The following RASGEF1C variants were observed in gnomAD, a reference collection of about 807,000 sequenced individuals.
RASGEF1C encodes RasGEF domain family member 1C, also known as ras-GEF domain-containing family member 1C.
Under a neutral mutation model 58.1 loss-of-function variants are expected in RASGEF1C, and 27 were observed. That is an observed-to-expected ratio of 0.46 (90% CI 0.34 to 0.64). RASGEF1C has a LOEUF of 0.64. Among genes scored for constraint, RASGEF1C ranks in the 30% least tolerant of loss-of-function variants. The probability of loss-of-function intolerance (pLI) is 0.01; values close to 1 mark genes in which losing one functional copy is unlikely to be tolerated. For synonymous variants in RASGEF1C, 243 were observed against 246.3 expected, an observed-to-expected ratio of 0.99 and a Z score of 0.13; for missense variants, 502 against 605.1, an observed-to-expected ratio of 0.83 and a Z score of 1.79.
At chr5:180,103,653 G>C (rs1487497263) in intron 12 of RASGEF1C, among the ~76,000 whole-genome samples, 3 of 151,994 alleles carry the variant, frequency 2.0e-5, no homozygotes, top group Non-Finnish European at 4.4e-5. Context: ...TTTTCTTTCT[G>C]ATTTGTGTGT....
chr5:180,110,530 G>C (rs115438551), intron 12 of RASGEF1C, among the ~76,000 whole-genome samples: 4,109 of 152,034 alleles, frequency 0.027, 200 homozygotes, highest in African/African-American at 0.094. Flanking sequence ...TGGGGCCGCG[G>C]GGCCATTCCA....
chr5:180,203,134 C>T (rs975825275), intron 1 of RASGEF1C, among the ~76,000 whole-genome samples: 58 of 152,186 alleles, frequency 3.8e-4, no homozygotes, highest in African/African-American at 1.4e-3. Flanking sequence ...TTCTATGGTG[C>T]TCACCGGCAT....
At chr5:180,117,691 G>A (rs1332598167) in intron 10 of RASGEF1C, among the ~76,000 whole-genome samples, 10 of 152,088 alleles carry the variant, frequency 6.6e-5, no homozygotes, top group Non-Finnish European at 1.3e-4. Flanking sequence ...ACAAATGCAG[G>A]GATATAAGAA....
chr5:180,138,929 G>A (rs939791441), intron 1 of RASGEF1C, among the ~76,000 whole-genome samples: 11 of 152,032 alleles, frequency 7.2e-5, no homozygotes, highest in Non-Finnish European at 1.0e-4. Flanking sequence ...CCTTCCCTGC[G>A]TCCCACCAAG....
chr5:180,114,459 T>C lies in RASGEF1C; in HGVS notation c.1166A>G (p.His389Arg). 1 of 1,612,824 alleles carries C rather than the reference T, an allele frequency of 6.2e-7. No individual in the cohort carries two copies. Among genetic ancestry groups the C allele is most frequent in the Non-Finnish European group, 8.5e-7 (1 of 1,179,166 alleles). ...EGCANRLPNG[H>R]VNFEKFLELA... ...CGGAGGTCCTACCTCAAAGTTGACG[T>C]GTCCATTGGGAAGGCGGTTGGCGCA... The change falls in exon 11 of 14, where the codon CAC becomes CGC. Residue 389 changes from histidine to arginine, a missense_variant. His to Arg is a conservative substitution (Grantham distance 29). Coordinates refer to ENST00000361132, the MANE Select transcript of RASGEF1C (RefSeq NM_175062.4).
intron 12 of RASGEF1C, among the ~76,000 whole-genome samples, chr5:180,103,514 CA>C (rs1196162263): frequency 6.6e-6 from 1 of 152,204 alleles, no homozygotes; most frequent in Non-Finnish European, 1.5e-5. Context: ...TACGTAGAAA[CA>C]TGGTTGATTT....
chr5:180,174,736 G>T (rs1001543656), intron 1 of RASGEF1C, among the ~76,000 whole-genome samples: 5 of 152,208 alleles, frequency 3.3e-5, no homozygotes, highest in African/African-American at 1.2e-4. Context: ...TCCACAGCCA[G>T]CACTCAGACA....
rs1767051104 is a variant in RASGEF1C at position 180,168,280 on chromosome 5, A to C, written c.-6-30222T>G. Reference sequence around the variant, plus strand: ...ACCCCGTCTCTACTTAAAAAAATACAAAATTAGCCGAGCCTGGTGGTGCAT... The same window carrying C: ...ACCCCGTCTCTACTTAAAAAAATACCAAATTAGCCGAGCCTGGTGGTGCAT... On this transcript the variant is annotated intron_variant, in intron 1 of 13. Transcript: ENST00000361132. This position sits in a 1 kb window ranked among gnomAD's most constrained non-coding sequence, Gnocchi z 6.0. Among the ~76,000 whole-genome samples, 1 of 152,094 alleles carries C rather than the reference A, an allele frequency of 6.6e-6. No homozygotes were observed. Among genetic ancestry groups the C allele is most frequent in the South Asian group, 2.1e-4 (1 of 4,812 alleles).
intron 1 of RASGEF1C, among the ~76,000 whole-genome samples, chr5:180,187,437 A>C (rs1485273854): frequency 6.6e-6 from 1 of 152,222 alleles, no homozygotes; most frequent in Non-Finnish European, 1.5e-5. Context: ...AAACCTGTGT[A>C]CATCAAAGGA....
At chr5:180,128,831 G>C (rs1001827292) in intron 4 of RASGEF1C, among the ~76,000 whole-genome samples, 1 of 152,202 alleles carries the variant, frequency 6.6e-6, no homozygotes, top group African/African-American at 2.4e-5. Context: ...TGGGGTGAAG[G>C]CTGCAGGGCT....
At chr5:180,111,821 T>A (rs1171927605) in intron 11 of RASGEF1C, among the ~76,000 whole-genome samples, 3 of 152,236 alleles carry the variant, frequency 2.0e-5, no homozygotes, top group Non-Finnish European at 4.4e-5. Flanking sequence ...GTATGGCAAG[T>A]GATACATGTT....
chr5:180,103,484 G>C (rs551272125), intron 12 of RASGEF1C, among the ~76,000 whole-genome samples: 22 of 152,134 alleles, frequency 1.4e-4, no homozygotes, highest in Non-Finnish European at 2.6e-4. Flanking sequence ...TAGTTTCAGC[G>C]TGCACATGTT....
At chr5:180,181,546 G>A (rs1767326274) in intron 1 of RASGEF1C, among the ~76,000 whole-genome samples, 1 of 152,196 alleles carries the variant, frequency 6.6e-6, no homozygotes, top group Admixed American at 6.5e-5. Flanking sequence ...TGGGCACACA[G>A]GAAGAGCACC....
chr5:180,191,025 T>C (rs4700725), intron 1 of RASGEF1C, among the ~76,000 whole-genome samples: 139,660 of 152,282 alleles, frequency 0.92, 64,038 homozygotes, highest in Admixed American at 0.93. Flanking sequence ...AGATGGCAAA[T>C]AGGCATAAGA....
At chr5:180,163,253 C>CTTTTTTTTTTTTTT (rs1561747791) in intron 1 of RASGEF1C, among the ~76,000 whole-genome samples, 2 of 5,060 alleles carry the variant, frequency 4.0e-4, no homozygotes, top group Non-Finnish European at 2.1e-3. Flanking sequence ...TTTTTTTTTT[C>CTTTTTTTTTTTTTT]CAGCCTATTG....
intron 11 of RASGEF1C, among the ~76,000 whole-genome samples, chr5:180,112,558 G>T (rs1243639969): frequency 2.0e-5 from 3 of 152,214 alleles, no homozygotes; most frequent in African/African-American, 7.2e-5. Context: ...GCTCCTTGGA[G>T]TTGGAAGCTG....
At chr5:180,169,411 G>A (rs893472189) in intron 1 of RASGEF1C, among the ~76,000 whole-genome samples, 5 of 152,164 alleles carry the variant, frequency 3.3e-5, no homozygotes, top group Admixed American at 6.5e-5. Context: ...GGGGGCTCCA[G>A]TGTCTGCTCC....
Position 180,101,423 on chromosome 5 carries a change from G to A in RASGEF1C, c.*78C>T, listed in dbSNP as rs1765782955. 6.4e-7 allele frequency: 1 copy of A among 1,563,916 alleles called. No individual in the cohort carries two copies. Among genetic ancestry groups the A allele is most frequent in the South Asian group, 1.1e-5 (1 of 89,536 alleles). On this transcript the variant is annotated 3_prime_UTR_variant, in exon 14 of 14. Transcript: ENST00000361132. ...AATAGTGAGGCACTCCCTGGCCTCT[G>A]CCCACTGGGCCACTGAGGCAGGGCT...
rs921044790 is a variant in RASGEF1C, at chr5:180,149,734, G to A, written c.-6-11676C>T. On this transcript the variant is annotated intron_variant, in intron 1 of 13. Transcript: ENST00000361132. The stretch of plus-strand genomic sequence containing the variant: ...CTCCCAAAGTGCTGGGATTACAGGC[G>A]TGAGCCACTGCGCCCAGCCGAGGAC... Among the ~76,000 whole-genome samples, 73 of 152,204 alleles carry A rather than the reference G, an allele frequency of 4.8e-4. 1 individual carries two copies. Among genetic ancestry groups the A allele is most frequent in the Admixed American group, 4.5e-3 (69 of 15,282 alleles).
Sources: gnomAD v4.1 joint callset for allele counts (sites outside exome capture counted in the v4.1 genomes callset) on GRCh38, gnomAD v4.1.1 for gene constraint, Gnocchi (gnomAD v3.1) non-coding constraint, MANE v1.5 for transcripts, NCBI Gene and HGNC (gene_info 2026-07-23, HGNC 2026-07-21) for gene names.